The following PTPN21 variants were observed in gnomAD, a reference collection of about 807,000 sequenced individuals.
The protein encoded by PTPN21 is tyrosine-protein phosphatase non-receptor type 21.
PTPN21 carries 77 observed loss-of-function variants against 131.8 expected under a neutral mutation model. That is an observed-to-expected ratio of 0.58 (90% CI 0.49 to 0.71). The LOEUF (loss-of-function observed/expected upper bound fraction) is 0.71. Among genes scored for constraint, PTPN21 ranks in the 30% least tolerant of loss-of-function variants. PTPN21 has a pLI of 0.00. For missense variants in PTPN21, 1,552 were observed against 1,527.1 expected, an observed-to-expected ratio of 1.02 and a Z score of -0.27; for synonymous variants, 715 against 621.3, an observed-to-expected ratio of 1.15 and a Z score of -2.24.
In PTPN21 at chr14:88,468,381, A is replaced by G. The variant is rs58729158; in HGVS notation, c.3397-116T>C. 11,598 of 1,011,578 alleles carry G rather than the reference A, an allele frequency of 0.011. 746 individuals carry two copies. The African/African-American group carries it at 0.15, about 13-fold the overall frequency. 62.7% of individuals were successfully genotyped at this position (1,011,578 alleles called of 1,614,324 possible). ...TTGGGAGATGGACAGTCTCTTTTCC[A>G]CCTTAGCGTCTTCTAGAAATAAGCC... On this transcript the variant is annotated intron_variant, in intron 18 of 18. Coordinates refer to ENST00000556564, the MANE Select transcript of PTPN21 (RefSeq NM_007039.4).
chr14:88,514,556 C>T (rs1050924638), intron 3 of PTPN21, among the ~76,000 whole-genome samples: 13 of 152,058 alleles, frequency 8.5e-5, no homozygotes, highest in Middle Eastern at 3.4e-3. Context: ...CCTCCGCCTC[C>T]CGAGTTCAAG....
chr14:88,479,086 T>C lies in PTPN21; in HGVS notation c.2345A>G (p.Glu782Gly), dbSNP rs1390795398. 1 of 1,588,598 alleles carries C rather than the reference T, an allele frequency of 6.3e-7. No homozygotes were observed. Among genetic ancestry groups the C allele is most frequent in the Non-Finnish European group, 8.6e-7 (1 of 1,168,590 alleles). ...CCCGTCTCTCCAGGGCCGCTGGGCC[T>C]CTGCGGTCGTGCGGACGGGGCTGCT... Reference protein sequence around the residue: ...MDSSPVRTTAEAQRPWRDGLL... With the variant: ...MDSSPVRTTAGAQRPWRDGLL... The change falls in exon 13 of 19, where the codon GAG becomes GGG. Residue 782 changes from glutamate to glycine, a missense_variant. Around this residue, in one of 4 missense-constraint regions of PTPN21, gnomAD observed 1,016 missense variants for 883.5 expected, o/e 1.15. Transcript: ENST00000556564.
intron 1 of PTPN21, chr14:88,551,748 C>T (rs948473909): frequency 6.6e-6 from 1 of 152,360 alleles, no homozygotes; most frequent in Non-Finnish European, 1.5e-5. Context: ...GCCATCGTAG[C>T]TCACCGCAGC....
At chr14:88,537,409 C>A (rs974498154) in intron 2 of PTPN21, among the ~76,000 whole-genome samples, 1 of 152,040 alleles carries the variant, frequency 6.6e-6, no homozygotes, top group Non-Finnish European at 1.5e-5. Context: ...GCCTCTGAAA[C>A]ACAAATAAAT....
chr14:88,518,226 CAAAAAAAAAAAAAAAAA>C (rs1172099704), intron 2 of PTPN21, among the ~76,000 whole-genome samples: 1 of 11,074 alleles, frequency 9.0e-5, no homozygotes, highest in African/African-American at 3.6e-4. Context: ...GAATCTACCT[CAAAAAAAAAAAAAAAAA>C]AAAAAAAAAA....
chr14:88,523,875 A>C (rs1290341631), intron 2 of PTPN21, among the ~76,000 whole-genome samples: 1 of 152,166 alleles, frequency 6.6e-6, no homozygotes, highest in East Asian at 1.9e-4. Flanking sequence ...AATTCCATTT[A>C]CAGTAATATC....
intron 1 of PTPN21, chr14:88,552,549 T>A (rs2139373227): frequency 6.6e-6 from 1 of 152,304 alleles, no homozygotes; most frequent in African/African-American, 2.4e-5. Context: ...CTCTGGTTAT[T>A]TCCCATAGCC....
In PTPN21 at chr14:88,474,153, AAAC is replaced by A. The variant is rs1268864783; in HGVS notation, c.2512-354_2512-352del. Among the ~76,000 whole-genome samples the A allele has an allele frequency of 4.6e-3, 615 of 134,292 alleles. 25 individuals carry two copies. Among genetic ancestry groups the A allele is most frequent in the East Asian group, 7.3e-3 (35 of 4,826 alleles). 88.1% of individuals were successfully genotyped at this position (134,292 alleles called of 152,430 possible). On this transcript the variant is annotated intron_variant, in intron 13 of 18. Coordinates refer to ENST00000556564, the MANE Select transcript of PTPN21 (RefSeq NM_007039.4). ...GTCCAAAAAAAAAAAAAAAAAAAAAAAACAAAAGCTTTAAATGCAATCAATTGA... is the reference window on the plus strand; with the variant it reads ...GTCCAAAAAAAAAAAAAAAAAAAAAAAAAAGCTTTAAATGCAATCAATTGA...
intron 2 of PTPN21, among the ~76,000 whole-genome samples, chr14:88,533,658 G>C (rs1016486992): frequency 2.0e-5 from 3 of 152,116 alleles, no homozygotes; most frequent in African/African-American, 7.2e-5. Context: ...TGAGGCCAGA[G>C]GATCACTTGA....
intron 4 of PTPN21, among the ~76,000 whole-genome samples, chr14:88,506,386 A>G (rs934962848): frequency 6.6e-6 from 1 of 152,124 alleles, no homozygotes; most frequent in Non-Finnish European, 1.5e-5. Context: ...TATATCAGAC[A>G]TGTAAAAATG....
chr14:88,469,950 G>A lies in PTPN21; in HGVS notation c.2972C>T (p.Ala991Val), dbSNP rs1357830642. 3 of 1,614,022 alleles carry A rather than the reference G, an allele frequency of 1.9e-6. No homozygotes were observed. Among genetic ancestry groups the A allele is most frequent in the East Asian group, 2.2e-5 (1 of 44,880 alleles). Residue 991 changes from alanine (A) to valine (V), a missense_variant, in exon 16 of 19, where the codon GCA (alanine) becomes GTA (valine). This residue lies in a region of PTPN21 where 316 missense variants were observed against 378.5 expected (regional missense o/e 0.83). Coordinates refer to ENST00000556564, the MANE Select transcript of PTPN21 (RefSeq NM_007039.4). This position sits in a 1 kb window ranked among gnomAD's most constrained non-coding sequence, Gnocchi z 4.3. ...TTCTGCTGTCACCATTGCTATAATT[G>A]CAATTCCCTGTTCCCATACCATCTG... The part of the protein sequence containing the change: ...FWQMVWEQGI[A>V]IIAMVTAEEE...
intron 2 of PTPN21, among the ~76,000 whole-genome samples, chr14:88,536,494 A>T (rs753575093): frequency 1.3e-5 from 2 of 152,226 alleles, no homozygotes; most frequent in Admixed American, 6.5e-5. Flanking sequence ...GTTCAAAGCA[A>T]AAGAGAGTTT....
At chr14:88,521,216 T>C (rs982421582) in intron 2 of PTPN21, among the ~76,000 whole-genome samples, 1 of 152,052 alleles carries the variant, frequency 6.6e-6, no homozygotes, top group African/African-American at 2.4e-5. Flanking sequence ...AATTACTGAC[T>C]CCTCCCCTCA....
intron 18 of PTPN21, 85 bp from the exon 19 acceptor site, chr14:88,468,350 A>G (rs1447008128): frequency 1.5e-6 from 2 of 1,361,566 alleles, no homozygotes; most frequent in Non-Finnish European, 2.0e-6. Context: ...CCTGGCAGAA[A>G]CCTGGTTGGG....
At chr14:88,475,556 G>A (rs2077536949) in intron 13 of PTPN21, among the ~76,000 whole-genome samples, 1 of 152,162 alleles carries the variant, frequency 6.6e-6, no homozygotes, top group African/African-American at 2.4e-5. Flanking sequence ...CAGGCATACA[G>A]ACTAAACACT....
rs1463872969 is a variant in PTPN21 at position 88,472,289 on chromosome 14, T to A, written c.2826A>T (p.Pro942=). ...TGTAACCAGTGTTGTTTTCTTTAGT[T>A]GGGACCAACTCCACTCTCACATCAT... ...PYDDVRVELV[P]TKENNTGYIN... The change falls in exon 15 of 19, where the codon CCA becomes CCT. Residue 942 remains proline, a synonymous_variant. Transcript: ENST00000556564. The A allele has an allele frequency of 3.7e-6, 6 of 1,613,884 alleles. No individual in the cohort carries two copies. The highest frequency in any genetic ancestry group is 5.1e-6 in the Non-Finnish European group (6 of 1,179,874).
chr14:88,516,473 G>A (rs1306692228), intron 3 of PTPN21, among the ~76,000 whole-genome samples: 1 of 152,102 alleles, frequency 6.6e-6, no homozygotes. Context: ...TTGAAAGGCA[G>A]GCTCAAGAAC....
chr14:88,475,678 C>T (rs946759773), intron 13 of PTPN21, among the ~76,000 whole-genome samples: 10 of 152,208 alleles, frequency 6.6e-5, no homozygotes, highest in Non-Finnish European at 1.2e-4. Flanking sequence ...TGCCCATATC[C>T]ATGGTGTAAA....
intron 3 of PTPN21, among the ~76,000 whole-genome samples, chr14:88,508,740 G>A (rs2078135990): frequency 6.6e-6 from 1 of 152,120 alleles, no homozygotes; most frequent in South Asian, 2.1e-4. Flanking sequence ...GCACTGGAAA[G>A]TAAAGCCAGA....
Sources: gnomAD v4.1 joint callset for allele counts (sites outside exome capture counted in the v4.1 genomes callset) on GRCh38, gnomAD v4.1.1 for gene constraint, gnomAD v4.1.1 regional missense constraint, Gnocchi (gnomAD v3.1) non-coding constraint, MANE v1.5 for transcripts, NCBI Gene and HGNC (gene_info 2026-07-23, HGNC 2026-07-21) for gene names.